Variants in DCBLD2 observed in about 807,000 individuals in gnomAD.
The protein encoded by DCBLD2 is discoidin, CUB and LCCL domain containing 2.
Under a neutral mutation model 86.8 loss-of-function variants are expected in DCBLD2, and 54 were observed. That is an observed-to-expected ratio of 0.62 (90% CI 0.50 to 0.78). DCBLD2 has a LOEUF of 0.78. Among genes scored for constraint, DCBLD2 ranks in the 30% least tolerant of loss-of-function variants. The pLI is 0.00. For synonymous variants in DCBLD2, 354 were observed against 341.3 expected, an observed-to-expected ratio of 1.04 and a Z score of -0.41; for missense variants, 908 against 954.2, an observed-to-expected ratio of 0.95 and a Z score of 0.64.
chr3:98,859,390 C>A (rs1237206387), intron 2 of DCBLD2, among the ~76,000 whole-genome samples: 1 of 152,216 alleles, frequency 6.6e-6, no homozygotes, highest in East Asian at 1.9e-4. Context: ...GTTCTCCCAG[C>A]ATGGAGTCTG....
At position 98,811,248 on chromosome 3, in the gene DCBLD2, T is replaced by G; in HGVS notation, c.1522A>C (p.Thr508Pro). ...TTTCTGATATCAGGACTGGCAGTTG[T>G]TTGTTCTGTCTGTGCAGGAAATTCA... is the stretch of plus-strand genomic sequence containing the variant. Reference protein sequence around the residue: ...SNEFPAQTEQTTASPDIRNTT... With the variant: ...SNEFPAQTEQPTASPDIRNTT... Residue 508 changes from threonine to proline, a missense_variant, in exon 12 of 16, where the codon ACA becomes CCA. Physicochemically the swap from Thr to Pro is conservative, Grantham distance 38 (BLOSUM62 -1). Around this residue, in one of 3 missense-constraint regions of DCBLD2, gnomAD observed 606 missense variants for 678.5 expected, o/e 0.89. Transcript: ENST00000326840. The G allele has an allele frequency of 6.2e-7, 1 of 1,612,670 alleles. No individual in the cohort carries two copies. The highest frequency in any genetic ancestry group is 8.5e-7 in the Non-Finnish European group (1 of 1,179,378).
rs181951676 is a variant in DCBLD2, at chr3:98,839,006, C to T, written c.571+10455G>A. 5.2e-3 allele frequency among the ~76,000 whole-genome samples: 716 copies of T among 138,362 alleles called. 4 individuals are homozygous for T. Among genetic ancestry groups the T allele is most frequent in the African/African-American group, 0.018 (676 of 37,240 alleles). 90.8% of individuals were successfully genotyped at this position (138,362 alleles called of 152,430 possible). On this transcript the variant is annotated intron_variant, in intron 3 of 15. Coordinates refer to ENST00000326840, the MANE Select transcript of DCBLD2 (RefSeq NM_080927.4). ...CAGCAGTACAGTCCAGCTTCGGCTCCGCATGAGAGGGAGACCGTCGGGAGA... is the reference window on the plus strand; with the variant it reads ...CAGCAGTACAGTCCAGCTTCGGCTCTGCATGAGAGGGAGACCGTCGGGAGA...
intron 1 of DCBLD2, among the ~76,000 whole-genome samples, chr3:98,899,783 A>G (rs1943816810): frequency 1.3e-5 from 2 of 152,226 alleles, no homozygotes; most frequent in South Asian, 4.1e-4. Context: ...TAACTATCTC[A>G]GCTGATTGTA....
chr3:98,869,875 C>T (rs2470861), intron 2 of DCBLD2, among the ~76,000 whole-genome samples: 65,673 of 152,018 alleles, frequency 0.43, 14,356 homozygotes, highest in Non-Finnish European at 0.46. Flanking sequence ...TTTTCAGTGG[C>T]TGAGATTTTA....
chr3:98,832,236 T>C (rs1942336894), intron 3 of DCBLD2, among the ~76,000 whole-genome samples: 1 of 152,232 alleles, frequency 6.6e-6, no homozygotes, highest in Non-Finnish European at 1.5e-5. Context: ...AAGTCTGTTT[T>C]GTCTGAAATT....
intron 13 of DCBLD2, among the ~76,000 whole-genome samples, chr3:98,803,534 A>C (rs546816919): frequency 1.3e-5 from 2 of 152,086 alleles, no homozygotes; most frequent in Admixed American, 6.5e-5. Flanking sequence ...AATACCCTTT[A>C]TTTCTTTCTC....
chr3:98,851,739 A>G (rs951208876), intron 2 of DCBLD2, among the ~76,000 whole-genome samples: 2 of 152,252 alleles, frequency 1.3e-5, no homozygotes, highest in Non-Finnish European at 1.5e-5. Context: ...AGGTATGTAG[A>G]CCAATGGAAC....
In DCBLD2 at chr3:98,868,886, TG is replaced by T. The variant is rs989032357; in HGVS notation, c.433+12653del. On this transcript the variant is annotated intron_variant, in intron 2 of 15. Transcript: ENST00000326840. ...TCATTGGTTTGATGGACTCTTAGGT[TG>T]ATTCCGTATCTTTTCCATGGTGAAT... Among the ~76,000 whole-genome samples the T allele has an allele frequency of 3.9e-5, 6 of 152,312 alleles. No individual in the cohort carries two copies. In the Middle Eastern group the frequency reaches 0.014, roughly 345 times the overall value.
chr3:98,799,562 C>T lies in DCBLD2; in HGVS notation c.2138G>A (p.Gly713Glu). 4 of 1,613,892 alleles carry T rather than the reference C, an allele frequency of 2.5e-6. No individual in the cohort carries two copies. The highest frequency in any genetic ancestry group is 1.6e-4 in the Middle Eastern group (1 of 6,062). Residue 713 changes from glycine (G) to glutamate (E), a missense_variant, in exon 16 of 16, where the codon GGA (glycine) becomes GAA (glutamate). Physicochemically the swap from Gly to Glu is moderately conservative, Grantham distance 98. Around this residue, in one of 3 missense-constraint regions of DCBLD2, gnomAD observed 606 missense variants for 678.5 expected, o/e 0.89. Coordinates refer to ENST00000326840, the MANE Select transcript of DCBLD2 (RefSeq NM_080927.4). ...CCTGGAGAGAAGTGTATTGTAAGTT[C>T]CCACTAGTGGGGGAGGTTGGTTCCC... ...ATGNQPPPLV[G>E]TYNTLLSRTD...
chr3:98,824,822 T>C (rs1050714384), intron 4 of DCBLD2, among the ~76,000 whole-genome samples: 1 of 152,078 alleles, frequency 6.6e-6, no homozygotes, highest in African/African-American at 2.4e-5. Context: ...CAGATATGTA[T>C]TTTGGAAACA....
rs117995320 is a variant in DCBLD2, at chr3:98,878,475, C to A, written c.433+3065G>T. Among the ~76,000 whole-genome samples, 64 of 150,872 alleles carry A rather than the reference C, an allele frequency of 4.2e-4. No individual in the cohort carries two copies. In the East Asian group the frequency reaches 0.012, roughly 27 times the overall value. On this transcript the variant is annotated intron_variant, in intron 2 of 15. Coordinates refer to ENST00000326840, the MANE Select transcript of DCBLD2 (RefSeq NM_080927.4). ...CTTTAATGCTTGTTTTCTAAAGGGG[C>A]ACTGAGAAAACATGATATAGGGGGA...
At position 98,799,665 on chromosome 3, in the gene DCBLD2, T is replaced by G; in HGVS notation, c.2035A>C (p.Thr679Pro). The change falls in exon 16 of 16, where the codon ACC becomes CCC. Residue 679 changes from threonine (T) to proline (P), a missense_variant. By Grantham distance (38) the Thr-to-Pro change is conservative (BLOSUM62 -1). Transcript: ENST00000326840. ...PLPITGPEYA[T>P]PIIMDMSGHP... ...CCTGACATGTCCATGATGATTGGGG[T>G]TGCATACTCAGGCCCCGTAATTGGG... 6.2e-7 allele frequency: 1 copy of G among 1,613,988 alleles called. No individual in the cohort carries two copies. The highest frequency in any genetic ancestry group is 8.5e-7 in the Non-Finnish European group (1 of 1,179,880).
Position 98,799,531 on chromosome 3 carries a change from G to A in DCBLD2, c.2169C>T (p.Asp723=). The change falls in exon 16 of 16, where the codon GAC becomes GAT. Residue 723 remains aspartate (D), a synonymous_variant. Transcript: ENST00000326840. ...ACTGGGCCTGGGCTGAGGAGCAGCT[G>A]TCAGTCCTGGAGAGAAGTGTATTGT... is the stretch of plus-strand genomic sequence containing the variant. ...GTYNTLLSRT[D]SCSSAQAQYD... 1 of 1,614,008 alleles carries A rather than the reference G, an allele frequency of 6.2e-7. No individual in the cohort carries two copies. The highest frequency in any genetic ancestry group is 1.7e-5 in the Admixed American group (1 of 60,018).
chr3:98,856,513 A>G (rs1456469347), intron 2 of DCBLD2, among the ~76,000 whole-genome samples: 1 of 152,168 alleles, frequency 6.6e-6, no homozygotes, highest in Non-Finnish European at 1.5e-5. Context: ...CAGTATAAAA[A>G]GAAAACAAAA....
At chr3:98,900,417 A>C (rs1345347143) in intron 1 of DCBLD2, among the ~76,000 whole-genome samples, 1 of 152,240 alleles carries the variant, frequency 6.6e-6, no homozygotes, top group Admixed American at 6.5e-5. Context: ...CATTATGATA[A>C]GTATTTAATA....
intron 3 of DCBLD2, among the ~76,000 whole-genome samples, chr3:98,826,857 A>G (rs1259248264): frequency 6.6e-6 from 1 of 152,240 alleles, no homozygotes; most frequent in Non-Finnish European, 1.5e-5. Flanking sequence ...GCTTGATTAA[A>G]GAACTGTGTC....
chr3:98,801,252 CTG>C (rs1415869599), intron 14 of DCBLD2: 1 of 280,402 alleles, frequency 3.6e-6, no homozygotes, highest in Non-Finnish European at 6.6e-6. Flanking sequence ...CAAACACACA[CTG>C]TGTCCTGGAG....
chr3:98,842,606 T>C (rs2107476134), intron 3 of DCBLD2, among the ~76,000 whole-genome samples: 1 of 152,206 alleles, frequency 6.6e-6, no homozygotes, highest in East Asian at 1.9e-4. Context: ...ATGTCATCTA[T>C]GAAAGCAGAG....
chr3:98,817,989 A>G, intron 8 of DCBLD2, 96 bp from the exon 9 acceptor site: 1 of 1,426,062 alleles, frequency 7.0e-7, no homozygotes, highest in Non-Finnish European at 9.5e-7. Context: ...CACAGCTCGA[A>G]CATTTCTAAT....
Sources: allele counts gnomAD v4.1 joint callset (sites outside exome capture counted in the v4.1 genomes callset), GRCh38; gene constraint gnomAD v4.1.1; regional missense constraint gnomAD v4.1.1; transcripts MANE v1.5; gene names NCBI Gene and HGNC (gene_info 2026-07-23, HGNC 2026-07-21).